DYNC1H1: variants seen among roughly 807,000 people sequenced by gnomAD.
The protein encoded by DYNC1H1 is cytoplasmic dynein 1 heavy chain 1.
DYNC1H1 carries 51 observed loss-of-function variants against 527.1 expected under a neutral mutation model. That is an observed-to-expected ratio of 0.10 (90% CI 0.08 to 0.12). The LOEUF is 0.12. DYNC1H1 is among the 10% of genes least tolerant of loss of function. DYNC1H1 has a pLI of 1.00. For synonymous variants in DYNC1H1, 2,189 were observed against 2,278.8 expected, an observed-to-expected ratio of 0.96 and a Z score of 1.12; for missense variants, 2,771 against 5,971.8, an observed-to-expected ratio of 0.46 and a Z score of 17.66.
rs2048485980 is a variant in DYNC1H1 at position 102,029,457 on chromosome 14, A to G, written c.9469-82A>G. On this transcript the variant is annotated intron_variant, in intron 48 of 77. Coordinates refer to ENST00000360184, the MANE Select transcript of DYNC1H1 (RefSeq NM_001376.5). The surrounding 1 kb of genome is among the most constrained non-coding windows in gnomAD (Gnocchi z 5.3). Reference sequence around the variant, plus strand: ...AGGCTCCTTCTATCATGTCACACCCATCTGCCAAGGCCAAAATTGTTTTCT... The same window carrying G: ...AGGCTCCTTCTATCATGTCACACCCGTCTGCCAAGGCCAAAATTGTTTTCT... 6.3e-7 allele frequency: 1 copy of G among 1,595,540 alleles called. No homozygotes were observed. The highest frequency in any genetic ancestry group is 1.7e-5 in the Admixed American group (1 of 58,206).
chr14:102,020,301 A>G lies in DYNC1H1; in HGVS notation c.8507+245A>G, dbSNP rs370478809. ...CCACCACTGTCTGCTTACACAAGGC[A>G]CTTTCATAAACCTTGTGGCTGTGAA... is the stretch of plus-strand genomic sequence containing the variant. On this transcript the variant is annotated intron_variant, in intron 42 of 77. Transcript: ENST00000360184. The surrounding 1 kb of genome is among the most constrained non-coding windows in gnomAD (Gnocchi z 4.3). Among the ~76,000 whole-genome samples, 8 of 152,106 alleles carry G rather than the reference A, an allele frequency of 5.3e-5. No homozygotes were observed. Among genetic ancestry groups the G allele is most frequent in the African/African-American group, 1.9e-4 (8 of 41,422 alleles).
chr14:102,004,328 A>G (rs1320525463), intron 23 of DYNC1H1, among the ~76,000 whole-genome samples, 190 bp from the exon 24 acceptor site: 1 of 152,218 alleles, frequency 6.6e-6, no homozygotes, highest in African/African-American at 2.4e-5. Flanking sequence ...ATTCCTCTTC[A>G]AGATCTTGTT....
intron 77 of DYNC1H1, 116 bp from the exon 78 acceptor site, chr14:102,050,319 A>C: frequency 6.2e-7 from 1 of 1,610,416 alleles, no homozygotes; most frequent in Non-Finnish European, 8.5e-7. Context: ...CACAGAGGAA[A>C]TCCATTTCGC....
At position 102,050,133 on chromosome 14, in the gene DYNC1H1, A is replaced by G; in HGVS notation, c.13747A>G (p.Thr4583Ala). 1 of 1,600,752 alleles carries G rather than the reference A, an allele frequency of 6.2e-7. No homozygotes were observed. The highest frequency in any genetic ancestry group is 8.5e-7 in the Non-Finnish European group (1 of 1,177,000). Residue 4583 changes from threonine to alanine, a missense_variant, in exon 77 of 78, where the codon ACC (threonine) becomes GCC (alanine). Transcript: ENST00000360184. ...NKLSLSNAIS[T>A]ALPLTQLRWV... ...GCTGTCACTGTCCAATGCCATCTCA[A>G]CCGCCCTTCCCCTGACGCAGCTGCG...
chr14:102,040,815 C>G (rs958320385), intron 64 of DYNC1H1, 142 bp downstream of exon 64: 6 of 1,026,084 alleles, frequency 5.8e-6, no homozygotes, highest in Non-Finnish European at 8.9e-6. Flanking sequence ...AAACCTTAGC[C>G]AGGCGTGGCG....
Position 102,038,983 on chromosome 14 carries a change from A to ATGTT in DYNC1H1, c.11207-16_11207-13dup, listed in dbSNP as rs1386614561. 3 of 1,613,938 alleles carry ATGTT rather than the reference A, an allele frequency of 1.9e-6. No individual in the cohort carries two copies. Among genetic ancestry groups the ATGTT allele is most frequent in the East Asian group, 4.5e-5 (2 of 44,884 alleles). ...TTTGAAGGATTATTGCAAACTCTGGATGTTTTATTCATTTAAGGGGAATTT... is the reference window on the plus strand; with the variant it reads ...TTTGAAGGATTATTGCAAACTCTGGATGTTTGTTTTATTCATTTAAGGGGAATTT... On this transcript the variant is annotated splice_polypyrimidine_tract_variant and intron_variant, in intron 59 of 77. Transcript: ENST00000360184. The surrounding 1 kb of genome is among the most constrained non-coding windows in gnomAD (Gnocchi z 7.2).
In DYNC1H1 at chr14:102,036,543, A is replaced by G. The variant is rs772324981; in HGVS notation, c.10809A>G (p.Glu3603=). The G allele has an allele frequency of 5.6e-6, 9 of 1,614,176 alleles. No homozygotes were observed. The South Asian group carries it at 9.9e-5, about 18-fold the overall frequency. The change falls in exon 57 of 78, where the codon GAA becomes GAG. Residue 3603 remains glutamate (E), a synonymous_variant. Coordinates refer to ENST00000360184, the MANE Select transcript of DYNC1H1 (RefSeq NM_001376.5). This position sits in a 1 kb window ranked among gnomAD's most constrained non-coding sequence, Gnocchi z 5.6. ...SGQATEFIMN[E]YKDRKITRTS... is the part of the protein sequence containing the mutation. Reference sequence around the variant, plus strand: ...AGGCCACAGAATTCATTATGAATGAATATAAGGATCGTAAGATCACACGGA... The same window carrying G: ...AGGCCACAGAATTCATTATGAATGAGTATAAGGATCGTAAGATCACACGGA...
rs993432490 is a variant in DYNC1H1, at chr14:101,993,582, C to T, written c.3016-602C>T. 3.9e-5 allele frequency among the ~76,000 whole-genome samples: 6 copies of T among 152,286 alleles called. No homozygotes were observed. The East Asian group carries it at 9.6e-4, about 24-fold the overall frequency. On this transcript the variant is annotated intron_variant, in intron 11 of 77. Coordinates refer to ENST00000360184, the MANE Select transcript of DYNC1H1 (RefSeq NM_001376.5). ...ACATGCCGGTAGACTCTTGCCCCTG[C>T]GCCTTCACATTTGTTGATCTCAACT...
At chr14:102,040,109 T>C in intron 62 of DYNC1H1, 127 bp from the exon 63 acceptor site, 1 of 1,308,576 alleles carries the variant, frequency 7.6e-7, no homozygotes, top group East Asian at 2.3e-5. Context: ...CCTCCCAGAG[T>C]GCTGAGATTA....
rs368192451 is a variant in DYNC1H1, at chr14:102,027,162, G to A, written c.8772-12G>A. Reference sequence around the variant, plus strand: ...TAAGCCTTAACATTGATCAGTTCTCGTAATGTTTCAGAATATTCCGTCAAC... The same window carrying A: ...TAAGCCTTAACATTGATCAGTTCTCATAATGTTTCAGAATATTCCGTCAAC... On this transcript the variant is annotated splice_polypyrimidine_tract_variant and intron_variant, in intron 44 of 77. Transcript: ENST00000360184. The surrounding 1 kb of genome is among the most constrained non-coding windows in gnomAD (Gnocchi z 7.7). The A allele has an allele frequency of 3.9e-5, 63 of 1,612,966 alleles. No homozygotes were observed. In the Middle Eastern group the frequency reaches 4.9e-4, roughly 13 times the overall value.
intron 23 of DYNC1H1, among the ~76,000 whole-genome samples, chr14:102,003,514 A>T (rs1277632348): frequency 1.3e-5 from 2 of 152,148 alleles, no homozygotes; most frequent in Non-Finnish European, 2.9e-5. Flanking sequence ...CGCTCACCTA[A>T]GTCACCTAAG....
At chr14:101,968,427 T>C (rs1443354680) in intron 1 of DYNC1H1, among the ~76,000 whole-genome samples, 4 of 151,426 alleles carry the variant, frequency 2.6e-5, no homozygotes, top group African/African-American at 9.7e-5. Context: ...AGAGAGGAGG[T>C]CTCACCATGT....
rs912487443 is a variant in DYNC1H1 at position 102,041,334 on chromosome 14, A to G, written c.11942-240A>G. On this transcript the variant is annotated intron_variant, in intron 64 of 77. Transcript: ENST00000360184. This position sits in a 1 kb window ranked among gnomAD's most constrained non-coding sequence, Gnocchi z 4.5. ...TGAGCAGGTATTAGTTTAGTAATCT[A>G]AAAATCAGCAAATGGCACCTTTGTC... The G allele has an allele frequency of 1.7e-6, 1 of 598,412 alleles. No homozygotes were observed. The highest frequency in any genetic ancestry group is 3.0e-6 in the Non-Finnish European group (1 of 338,298). The allele number at this position is 598,412 out of a possible 1,614,324, so 37.1% of individuals were successfully genotyped here. A position where few individuals can be genotyped will look rare whatever the true frequency, so the allele number is the denominator to read the frequency against.
At chr14:102,040,093 C>T (rs2048627888) in intron 62 of DYNC1H1, 143 bp from the exon 63 acceptor site, 1 of 1,161,676 alleles carries the variant, frequency 8.6e-7, no homozygotes. Flanking sequence ...GATCCGCCCA[C>T]CTCGGCCTCC....
In DYNC1H1 at chr14:102,015,290, C is replaced by A. The variant is rs549582489; in HGVS notation, c.7200C>A (p.Gly2400=). 113 of 1,614,138 alleles carry A rather than the reference C, an allele frequency of 7.0e-5. No individual in the cohort carries two copies. In the East Asian group the frequency reaches 2.5e-3, roughly 36 times the overall value. ...ATGAGGCACAGCGGCGGCGTAAGGG[C>A]AAAGAGGATGAGGGGGAGGAGGCCG... ...GEDEAQRRRK[G]KEDEGEEAAS... Residue 2400 remains glycine, a synonymous_variant, in exon 35 of 78, where the codon GGC becomes GGA. Transcript: ENST00000360184. This position sits in a 1 kb window ranked among gnomAD's most constrained non-coding sequence, Gnocchi z 6.9.
chr14:101,978,354 G>A (rs1353575784), intron 2 of DYNC1H1, among the ~76,000 whole-genome samples: 1 of 152,152 alleles, frequency 6.6e-6, no homozygotes, highest in African/African-American at 2.4e-5. Flanking sequence ...TGTATCTTTA[G>A]TAGAGATGTG....
At chr14:102,043,201 T>C in intron 69 of DYNC1H1, 1 of 287,370 alleles carries the variant, frequency 3.5e-6, no homozygotes, top group Non-Finnish European at 6.8e-6. Context: ...GAGAATCGCT[T>C]GAACCCAGGA....
chr14:102,007,113 G>A lies in DYNC1H1; in HGVS notation c.5817+5G>A, dbSNP rs1465277335. On this transcript the variant is annotated splice_donor_5th_base_variant and intron_variant, in intron 28 of 77. Transcript: ENST00000360184. ...GATGAAACCTTTGATTTCCAGGTGA[G>A]ACACTTTATGGGATCCACCTAAAAT... 2 of 1,613,958 alleles carry A rather than the reference G, an allele frequency of 1.2e-6. No individual in the cohort carries two copies. Among genetic ancestry groups the A allele is most frequent in the Non-Finnish European group, 1.7e-6 (2 of 1,179,852 alleles).
Position 101,972,970 on chromosome 14 carries a change from G to A in DYNC1H1, c.257-2742G>A, listed in dbSNP as rs930235207. Among the ~76,000 whole-genome samples the A allele has an allele frequency of 5.3e-5, 8 of 151,972 alleles. No individual in the cohort carries two copies. In the South Asian group the frequency reaches 1.0e-3, roughly 20 times the overall value. On this transcript the variant is annotated intron_variant, in intron 1 of 77. Transcript: ENST00000360184. ...TGCTTACATTTTACAGGTTGTAATC[G>A]TGTGTGGCTGCTTTCAGGCAGTGTG...
Sources: gnomAD v4.1 joint callset for allele counts (sites outside exome capture counted in the v4.1 genomes callset) on GRCh38, gnomAD v4.1.1 for gene constraint, Gnocchi (gnomAD v3.1) non-coding constraint, MANE v1.5 for transcripts, NCBI Gene and HGNC (gene_info 2026-07-23, HGNC 2026-07-21) for gene names.